SRPK2: variants seen among roughly 807,000 people sequenced by gnomAD.
The protein encoded by SRPK2 is SRSF protein kinase 2.
A neutral mutation model predicts 90.8 loss-of-function variants in SRPK2; 21 were observed. That is an observed-to-expected ratio of 0.23 (90% CI 0.16 to 0.33). The LOEUF (loss-of-function observed/expected upper bound fraction) is 0.33. SRPK2 is among the 10% of genes least tolerant of loss of function. The pLI, the probability that SRPK2 is intolerant of heterozygous loss-of-function variation, is 1.00. For synonymous variants in SRPK2, 288 were observed against 311.1 expected (o/e 0.93, Z 0.78); for missense variants, 620 against 869.0 (o/e 0.71, Z 3.60).
intron 2 of SRPK2, among the ~76,000 whole-genome samples, chr7:105,271,037 TTG>T (rs1312254611): frequency 6.6e-6 from 1 of 152,200 alleles, no homozygotes; most frequent in Non-Finnish European, 1.5e-5. Context: ...TGTAGTGTTA[TTG>T]TAGGTGGGAA....
intron 2 of SRPK2, among the ~76,000 whole-genome samples, chr7:105,381,403 T>C (rs967807492): frequency 2.0e-5 from 3 of 151,950 alleles, no homozygotes; most frequent in Non-Finnish European, 4.4e-5. Context: ...GGCGAAACCC[T>C]GTCTCAGTGA....
At chr7:105,239,800 T>C (rs1271417885) in intron 2 of SRPK2, among the ~76,000 whole-genome samples, 1 of 152,256 alleles carries the variant, frequency 6.6e-6, no homozygotes, top group African/African-American at 2.4e-5. Flanking sequence ...GCCAATTCTC[T>C]GAGCTTAACA....
chr7:105,303,631 T>C (rs560329521), intron 2 of SRPK2, among the ~76,000 whole-genome samples: 1 of 152,220 alleles, frequency 6.6e-6, no homozygotes, highest in African/African-American at 2.4e-5. Context: ...CTGATGTCCA[T>C]CCTGGCAGCA....
chr7:105,147,344 G>C (rs934994258), intron 7 of SRPK2, among the ~76,000 whole-genome samples: 1 of 152,070 alleles, frequency 6.6e-6, no homozygotes, highest in African/African-American at 2.4e-5. Flanking sequence ...TTGAGACAGA[G>C]TCTCGCTCTG....
intron 1 of SRPK2, among the ~76,000 whole-genome samples, chr7:105,395,269 T>C (rs1379651394): frequency 6.6e-6 from 1 of 151,848 alleles, no homozygotes; most frequent in Non-Finnish European, 1.5e-5. Flanking sequence ...GCAAGAGGAT[T>C]GCTTGAGCCC....
chr7:105,389,506 A>G (rs1563325618), upstream of SRPK2: 2 of 888,208 alleles, frequency 2.3e-6, no homozygotes, highest in Non-Finnish European at 2.9e-6. Context: ...CCAGGATTGC[A>G]TGAGTTTAAT....
At chr7:105,266,242 T>C (rs551431850) in intron 2 of SRPK2, among the ~76,000 whole-genome samples, 4 of 134,852 alleles carry the variant, frequency 3.0e-5, no homozygotes, top group Non-Finnish European at 6.9e-5. Flanking sequence ...CAAAAATAAA[T>C]TAGGTTGTTT....
intron 2 of SRPK2, among the ~76,000 whole-genome samples, chr7:105,370,110 T>C (rs1437848237): frequency 1.3e-5 from 2 of 152,114 alleles, no homozygotes; most frequent in Non-Finnish European, 2.9e-5. Flanking sequence ...ACCCTGGATG[T>C]TAGAAGTAAT....
chr7:105,166,034 C>G (rs937863287), intron 6 of SRPK2, among the ~76,000 whole-genome samples: 3 of 152,092 alleles, frequency 2.0e-5, no homozygotes, highest in African/African-American at 7.2e-5. Flanking sequence ...GACCAAGAAC[C>G]CACCAGAAGG....
intron 3 of SRPK2, among the ~76,000 whole-genome samples, chr7:105,193,682 A>G (rs1794582242): frequency 6.6e-6 from 1 of 152,112 alleles, no homozygotes; most frequent in Non-Finnish European, 1.5e-5. Context: ...ATGTGTTTCC[A>G]TTTGTTTGTG....
At chr7:105,167,858 G>A (rs1489748862) in intron 5 of SRPK2, 150 bp downstream of exon 5, 7 of 613,092 alleles carry the variant, frequency 1.1e-5, no homozygotes, top group African/African-American at 1.9e-5. Flanking sequence ...TGATCTGCTC[G>A]CTTTGGCCTC....
intron 2 of SRPK2, among the ~76,000 whole-genome samples, chr7:105,351,303 C>T (rs1817146242): frequency 1.3e-5 from 2 of 152,016 alleles, no homozygotes; most frequent in South Asian, 4.1e-4. Context: ...GCCTTCCCAG[C>T]ATGCAGAACT....
chr7:105,159,448 C>CAAAAA (rs765544583), intron 7 of SRPK2, among the ~76,000 whole-genome samples: 14 of 33,140 alleles, frequency 4.2e-4, no homozygotes, highest in African/African-American at 7.5e-4. Flanking sequence ...ACTCCGTCTC[C>CAAAAA]AAAAAAAAAA....
chr7:105,298,923 C>A (rs1479632508), intron 2 of SRPK2: 8 of 352,336 alleles, frequency 2.3e-5, no homozygotes, highest in Non-Finnish European at 3.2e-5. Flanking sequence ...ACACAGTGAA[C>A]CCAGTTATCC....
chr7:105,204,096 T>G (rs149353714), intron 2 of SRPK2, among the ~76,000 whole-genome samples: 52 of 152,330 alleles, frequency 3.4e-4, no homozygotes, highest in Non-Finnish European at 6.2e-4. Context: ...CTACCAATTC[T>G]GGGAAATTTA....
At chr7:105,359,972 G>A (rs531408391) in intron 2 of SRPK2, among the ~76,000 whole-genome samples, 2 of 152,264 alleles carry the variant, frequency 1.3e-5, no homozygotes, top group African/African-American at 4.8e-5. Flanking sequence ...AATATTGACA[G>A]TGGGGTGTTA....
At chr7:105,388,618 G>A (rs1442822730) in intron 2 of SRPK2, 30 bp downstream of exon 2, 1 of 1,557,134 alleles carries the variant, frequency 6.4e-7, no homozygotes, top group African/African-American at 1.4e-5. Context: ...GCGGGGGTGG[G>A]GAACGGGGAC....
chr7:105,285,839 C>A (rs1808030410), intron 2 of SRPK2, among the ~76,000 whole-genome samples: 1 of 152,152 alleles, frequency 6.6e-6, no homozygotes, highest in African/African-American at 2.4e-5. Flanking sequence ...GAACCGCGAG[C>A]CAATTAAACC....
intron 7 of SRPK2, among the ~76,000 whole-genome samples, chr7:105,155,447 C>G (rs775496712): frequency 6.6e-6 from 1 of 152,210 alleles, no homozygotes; most frequent in Non-Finnish European, 1.5e-5. Flanking sequence ...CACAATACAC[C>G]TTACACTTTC....
Sources: gnomAD v4.1 joint callset for allele counts (sites outside exome capture counted in the v4.1 genomes callset) on GRCh38, gnomAD v4.1.1 for gene constraint, MANE v1.5 for transcripts, NCBI Gene and HGNC (gene_info 2026-07-23, HGNC 2026-07-21) for gene names.